The following CFAP96 variants were observed in gnomAD, a reference collection of about 807,000 sequenced individuals.
CFAP96 encodes cilia-and flagella-associated protein 96.
chr4:185,418,509 T>G, the CFAP96 span: 1 of 1,611,432 alleles, frequency 6.2e-7, no homozygotes, highest in Non-Finnish European at 8.5e-7. Flanking sequence ...GGCTCAAATC[T>G]AAATTTTTAA....
chr4:185,417,518 A>G, the CFAP96 span, among the ~76,000 whole-genome samples: 1 of 152,180 alleles, frequency 6.6e-6, no homozygotes, highest in Non-Finnish European at 1.5e-5. Context: ...CTTGTATGCA[A>G]TCCCTCTTCT....
chr4:185,445,033 T>C, the CFAP96 span: 13 of 1,551,598 alleles, frequency 8.4e-6, no homozygotes, highest in African/African-American at 1.5e-4. Flanking sequence ...TGTGGCTAAA[T>C]TGGCAAATAT....
the CFAP96 span, chr4:185,449,504 C>A: frequency 1.3e-6 from 1 of 769,192 alleles, no homozygotes; most frequent in Non-Finnish European, 2.1e-6. Flanking sequence ...GCCTGGGCAA[C>A]AGAGCGAGAC....
the CFAP96 span, chr4:185,413,693 C>T: frequency 5.1e-5 from 80 of 1,580,528 alleles, no homozygotes; most frequent in Non-Finnish European, 5.6e-5. Context: ...ATTACTGATC[C>T]AGTGACTCCC....
the CFAP96 span, chr4:185,436,333 T>C: frequency 1.3e-6 from 2 of 1,550,528 alleles, no homozygotes; most frequent in South Asian, 1.2e-5. Flanking sequence ...TGCCGACTTC[T>C]ATGATGCAGC....
chr4:185,445,498 A>G, the CFAP96 span: 2 of 1,570,972 alleles, frequency 1.3e-6, no homozygotes, highest in East Asian at 4.5e-5. Flanking sequence ...AATCTTGAGG[A>G]ATCCTAATGA....
chr4:185,429,637 G>A, the CFAP96 span: 1 of 601,798 alleles, frequency 1.7e-6, no homozygotes, highest in East Asian at 3.4e-5. Context: ...TCTAAAGTTT[G>A]TTAACGTGTA....
chr4:185,443,342 A>ATATATATATATATATATTTTTTT, the CFAP96 span, among the ~76,000 whole-genome samples: 2 of 26,724 alleles, frequency 7.5e-5, no homozygotes, highest in African/African-American at 2.3e-4. Context: ...ATATATATAT[A>ATATATATATATATATATTTTTTT]TTTTTTTTTT....
At chr4:185,415,628 G>A in the CFAP96 span, 2 of 1,207,732 alleles carry the variant, frequency 1.7e-6, no homozygotes, top group Admixed American at 2.4e-5. Flanking sequence ...TCACACCTTA[G>A]GTATACCTAC....
chr4:185,426,611 G>C, the CFAP96 span, among the ~76,000 whole-genome samples: 1 of 152,210 alleles, frequency 6.6e-6, no homozygotes, highest in Admixed American at 6.5e-5. Context: ...TAAGCTCCTT[G>C]CGGGCAGCAT....
chr4:185,443,053 T>G, the CFAP96 span, among the ~76,000 whole-genome samples: 2 of 151,936 alleles, frequency 1.3e-5, no homozygotes, highest in Non-Finnish European at 2.9e-5. Context: ...TGGGGGTAAT[T>G]TCTTTGTGTT....
At chr4:185,412,364 G>A in the CFAP96 span, among the ~76,000 whole-genome samples, 1 of 152,136 alleles carries the variant, frequency 6.6e-6, no homozygotes. Context: ...CTGCTGCCCT[G>A]AGTACACTCT....
the CFAP96 span, among the ~76,000 whole-genome samples, chr4:185,437,019 A>G: frequency 2.0e-5 from 3 of 152,176 alleles, no homozygotes; most frequent in Admixed American, 1.3e-4. Flanking sequence ...ACCCTTAGCC[A>G]TATTCCCACC....
the CFAP96 span, among the ~76,000 whole-genome samples, chr4:185,413,050 A>AATCCC: frequency 6.6e-6 from 1 of 152,178 alleles, no homozygotes; most frequent in Admixed American, 6.5e-5. Context: ...TCATGCCTGT[A>AATCCC]ATCCCAGCAC....
chr4:185,430,741 A>C, the CFAP96 span, among the ~76,000 whole-genome samples: 6 of 151,858 alleles, frequency 4.0e-5, no homozygotes. Context: ...TGTCTCTACA[A>C]AAAATACAAA....
the CFAP96 span, chr4:185,415,682 G>T: frequency 1.3e-6 from 2 of 1,584,182 alleles, no homozygotes; most frequent in Non-Finnish European, 8.6e-7. Context: ...TCATTCAAAT[G>T]TGGCAGTGGT....
chr4:185,449,454 T>C, the CFAP96 span: 3 of 513,400 alleles, frequency 5.8e-6, no homozygotes, highest in African/African-American at 2.0e-5. Context: ...GCCTAGGAGG[T>C]TGAGGTTGCA....
At chr4:185,431,647 C>T in the CFAP96 span, among the ~76,000 whole-genome samples, 68 of 152,338 alleles carry the variant, frequency 4.5e-4, no homozygotes, top group African/African-American at 1.6e-3. Flanking sequence ...TCACACATGA[C>T]CTACGCGCAC....
At chr4:185,444,886 T>C in the CFAP96 span, 7 of 1,329,878 alleles carry the variant, frequency 5.3e-6, no homozygotes, top group South Asian at 2.8e-5. Flanking sequence ...TACAAAAATA[T>C]GTATGAACTT....
Sources: allele counts gnomAD v4.1 joint callset (sites outside exome capture counted in the v4.1 genomes callset), GRCh38; gene constraint gnomAD v4.1.1; transcripts MANE v1.5; gene names NCBI Gene and HGNC (gene_info 2026-07-23, HGNC 2026-07-21).